Variants in MBOAT7 observed in about 807,000 individuals in gnomAD.
The protein encoded by MBOAT7 is membrane bound acylglycerophosphatidylinositol O-acyltransferase MBOAT7, also known as membrane-bound acylglycerophosphatidylinositol O-acyltransferase MBOAT7.
Under a neutral mutation model 47.4 loss-of-function variants are expected in MBOAT7, and 40 were observed. The ratio of observed to expected loss-of-function variants is 0.84; its 90% confidence interval spans 0.66 to 1.10. The LOEUF is 1.10. MBOAT7 is among the 50% of genes least tolerant of loss of function. The probability of loss-of-function intolerance (pLI) is 0.00; values close to 1 mark genes in which losing one functional copy is unlikely to be tolerated. For synonymous variants in MBOAT7, 361 were observed against 292.0 expected, an observed-to-expected ratio of 1.24 and a Z score of -2.41; for missense variants, 680 against 655.6, an observed-to-expected ratio of 1.04 and a Z score of -0.41.
Position 54,183,657 on chromosome 19 carries a change from G to C in MBOAT7, c.357C>G (p.Val119=). 1 of 1,588,962 alleles carries C rather than the reference G, an allele frequency of 6.3e-7. No individual in the cohort carries two copies. The highest frequency in any genetic ancestry group is 8.6e-7 in the Non-Finnish European group (1 of 1,168,290). ...TCCTCTGGGCCAGATGCAGGTCCTG[G>C]ACTTCACTGGCCAGGCTCACCAGCT... ...TLKLVSLASE[V]QDLHLAQRKE... The change falls in exon 5 of 8, where the codon GTC becomes GTG. Residue 119 remains valine (V), a synonymous_variant. Transcript: ENST00000245615.
chr19:54,184,257 G>A (rs2076370579), intron 4 of MBOAT7, among the ~76,000 whole-genome samples: 1 of 150,448 alleles, frequency 6.6e-6, no homozygotes, highest in South Asian at 2.1e-4. Context: ...CCACCTCCTG[G>A]GGGCGCAAGC....
chr19:54,178,988 A>G, intron 6 of MBOAT7, 47 bp from the exon 7 acceptor site: 1 of 1,600,132 alleles, frequency 6.2e-7, no homozygotes, highest in South Asian at 1.1e-5. Flanking sequence ...CAGCTCAGCC[A>G]GGCCCCCTCC....
intron 1 of MBOAT7, among the ~76,000 whole-genome samples, chr19:54,188,946 C>T (rs2076544684): frequency 6.6e-6 from 1 of 151,976 alleles, no homozygotes; most frequent in African/African-American, 2.4e-5. Flanking sequence ...ACCTCCGAGC[C>T]CCCTCTTCCA....
chr19:54,184,126 C>T (rs2076362472), intron 4 of MBOAT7, among the ~76,000 whole-genome samples: 1 of 151,748 alleles, frequency 6.6e-6, no homozygotes, highest in Non-Finnish European at 1.5e-5. Flanking sequence ...AAAAATCTCC[C>T]TCACTCCCCA....
At chr19:54,187,348 T>TCCACGAGTCCAG in intron 3 of MBOAT7, 61 bp from the exon 4 acceptor site, 1 of 1,501,026 alleles carries the variant, frequency 6.7e-7, no homozygotes. Flanking sequence ...GGCCACTCAC[T>TCCACGAGTCCAG]CCACGAGTCC....
chr19:54,186,212 T>C (rs2076424054), intron 4 of MBOAT7, among the ~76,000 whole-genome samples: 1 of 150,546 alleles, frequency 6.6e-6, no homozygotes, highest in South Asian at 2.1e-4. Context: ...ACAGGGTTTC[T>C]CCATTTTGGT....
rs7254711 is a variant in MBOAT7 at position 54,188,670 on chromosome 19, G to A, written c.-3-159C>T. 8.2e-3 allele frequency among the ~76,000 whole-genome samples: 1,246 copies of A among 152,036 alleles called. 24 individuals are homozygous for A. Among genetic ancestry groups the A allele is most frequent in the African/African-American group, 0.028 (1,168 of 41,452 alleles). On this transcript the variant is annotated intron_variant, in intron 1 of 7. Coordinates refer to ENST00000245615, the MANE Select transcript of MBOAT7 (RefSeq NM_024298.5). ...TCTCCTTTGAGAACCTAGCAACCCA[G>A]ACTCCAGCCCCTTCCTCCTTGGAGG...
At chr19:54,176,884 C>G (rs1456135257) in intron 7 of MBOAT7, among the ~76,000 whole-genome samples, 1 of 151,788 alleles carries the variant, frequency 6.6e-6, no homozygotes, top group African/African-American at 2.4e-5. Flanking sequence ...GAGACCTCAT[C>G]TCTATACATT....
intron 7 of MBOAT7, among the ~76,000 whole-genome samples, chr19:54,177,099 G>T (rs2076127318): frequency 6.6e-6 from 1 of 151,424 alleles, no homozygotes; most frequent in South Asian, 2.1e-4. Flanking sequence ...GATGGAGGTT[G>T]CAGTGAGCTG....
chr19:54,176,148 C>T (rs1378176155), intron 7 of MBOAT7, among the ~76,000 whole-genome samples: 1 of 152,222 alleles, frequency 6.6e-6, no homozygotes, highest in Non-Finnish European at 1.5e-5. Flanking sequence ...AGCCACCGCG[C>T]CCAGCCTCTT....
chr19:54,185,687 C>CTTTCT lies in MBOAT7; in HGVS notation c.333+1469_333+1473dup, dbSNP rs918251274. Among the ~76,000 whole-genome samples the CTTTCT allele has an allele frequency of 8.0e-5, 12 of 149,446 alleles. No individual in the cohort carries two copies. In the South Asian group the frequency reaches 1.2e-3, roughly 16 times the overall value. On this transcript the variant is annotated intron_variant, in intron 4 of 7. Transcript: ENST00000245615. ...TCCTTCAGCATCCAGAACGAGTTTTCTTTCTTTTCTTTTCTTTTTTTTTTG... is the reference window on the plus strand; with the variant it reads ...TCCTTCAGCATCCAGAACGAGTTTTCTTTCTTTTCTTTTCTTTTCTTTTTTTTTTG...
chr19:54,175,140 T>A (rs1458352715), intron 7 of MBOAT7, among the ~76,000 whole-genome samples: 1 of 152,056 alleles, frequency 6.6e-6, no homozygotes, highest in Non-Finnish European at 1.5e-5. Flanking sequence ...CACGCCCGGC[T>A]AATTTTCTTT....
Position 54,188,243 on chromosome 19 carries a change from G to C in MBOAT7, c.180C>G (p.Thr60=). The change falls in exon 3 of 8, where the codon ACC becomes ACG. Residue 60 remains threonine (T), a synonymous_variant. Transcript: ENST00000245615. The part of the protein sequence containing the change: ...TLHSLVTILG[T]WALIQAQPCS... Reference sequence around the variant, plus strand: ...AGGGCTGGGCCTGAATGAGGGCCCAGGTCCCGAGGATGGTGACCAGAGAAT... The same window carrying C: ...AGGGCTGGGCCTGAATGAGGGCCCACGTCCCGAGGATGGTGACCAGAGAAT... 2.5e-6 allele frequency: 4 copies of C among 1,613,646 alleles called. No individual in the cohort carries two copies. The highest frequency in any genetic ancestry group is 3.4e-6 in the Non-Finnish European group (4 of 1,179,798).
intron 7 of MBOAT7, among the ~76,000 whole-genome samples, chr19:54,176,738 T>G (rs1276368656): frequency 6.6e-6 from 1 of 152,008 alleles, no homozygotes; most frequent in East Asian, 1.9e-4. Context: ...TGACCTGGCC[T>G]CAGCCCCAGA....
intron 7 of MBOAT7, chr19:54,178,378 T>G: frequency 8.7e-7 from 1 of 1,148,384 alleles, no homozygotes; most frequent in Non-Finnish European, 1.1e-6. Flanking sequence ...TCCTTCTATC[T>G]ACCTATGAAA....
chr19:54,183,606 C>G lies in MBOAT7; in HGVS notation c.408G>C (p.Lys136Asn). 1 of 1,608,348 alleles carries G rather than the reference C, an allele frequency of 6.2e-7. No individual in the cohort carries two copies. Residue 136 changes from lysine (K) to asparagine (N), a missense_variant, in exon 5 of 8, where the codon AAG (lysine) becomes AAC (asparagine). Transcript: ENST00000245615. The part of the protein sequence containing the change: ...QRKEMASGFS[K>N]GPTLGLLPDV... ...CGGGCAGCAGCCCCAGGGTGGGCCC[C>G]TTGCTGAAGCCTGAGGCCATTTCCT...
rs142493044 is a variant in MBOAT7, at chr19:54,176,495, T to G, written c.1032-2064A>C. ...ATTGCTTGAACCTGGGAGGGAGAGGTTGCAGTGAGCCGAGATCACGCCACT... is the reference window on the plus strand; with the variant it reads ...ATTGCTTGAACCTGGGAGGGAGAGGGTGCAGTGAGCCGAGATCACGCCACT... On this transcript the variant is annotated intron_variant, in intron 7 of 7. Transcript: ENST00000245615. 5.5e-3 allele frequency among the ~76,000 whole-genome samples: 829 copies of G among 151,716 alleles called. 4 individuals are homozygous for G. Among genetic ancestry groups the G allele is most frequent in the Non-Finnish European group, 6.7e-3 (457 of 67,864 alleles).
At position 54,175,189 on chromosome 19, in the gene MBOAT7, A is replaced by G. The variant is rs62132543; in HGVS notation, c.1032-758T>C. Among the ~76,000 whole-genome samples the G allele has an allele frequency of 6.4e-3, 977 of 152,218 alleles. 3 individuals are homozygous for G. The highest frequency in any genetic ancestry group is 8.8e-3 in the Non-Finnish European group (600 of 68,000). ...GAGACGGGGTTTCACCGTGTTAGCC[A>G]GGATGGTCTCGATCTCCTGACCTCG... On this transcript the variant is annotated intron_variant, in intron 7 of 7. Transcript: ENST00000245615.
intron 7 of MBOAT7, among the ~76,000 whole-genome samples, chr19:54,176,078 A>C (rs1161905404): frequency 6.6e-6 from 1 of 152,002 alleles, no homozygotes; most frequent in East Asian, 1.9e-4. Flanking sequence ...GATGGTCTCG[A>C]TCTCCTGACC....
Sources: gnomAD v4.1 joint callset for allele counts (sites outside exome capture counted in the v4.1 genomes callset) on GRCh38, gnomAD v4.1.1 for gene constraint, MANE v1.5 for transcripts, NCBI Gene and HGNC (gene_info 2026-07-23, HGNC 2026-07-21) for gene names.